MAP2: variants seen among roughly 807,000 people sequenced by gnomAD.
The protein encoded by MAP2 is microtubule associated protein 2, also known as microtubule-associated protein 2.
A neutral mutation model predicts 137.6 loss-of-function variants in MAP2; 14 were observed. The observed-to-expected ratio is 0.10, with a 90% CI of 0.07 to 0.16. The LOEUF (loss-of-function observed/expected upper bound fraction) is 0.16. Among genes scored for constraint, MAP2 ranks in the 10% least tolerant of loss-of-function variants. The probability of loss-of-function intolerance (pLI) is 1.00; values close to 1 mark genes in which losing one functional copy is unlikely to be tolerated. For missense variants in MAP2, 2,088 were observed against 2,191.5 expected (o/e 0.95, Z 0.94); for synonymous variants, 786 against 782.3 (o/e 1.00, Z -0.08).
At chr2:209,713,742 A>G (rs957421056) in intron 13 of MAP2, among the ~76,000 whole-genome samples, 3 of 152,234 alleles carry the variant, frequency 2.0e-5, no homozygotes, top group Admixed American at 1.3e-4. Flanking sequence ...GTAGCATAAA[A>G]AAATTTAGGT....
At chr2:209,621,807 G>GT (rs2091274934) in intron 3 of MAP2, among the ~76,000 whole-genome samples, 2 of 152,174 alleles carry the variant, frequency 1.3e-5, no homozygotes, top group African/African-American at 4.8e-5. Flanking sequence ...CCTCAATGCT[G>GT]TAGGTAGCAA....
At chr2:209,463,179 T>A (rs1421695608) in intron 1 of MAP2, among the ~76,000 whole-genome samples, 1 of 152,204 alleles carries the variant, frequency 6.6e-6, no homozygotes, top group African/African-American at 2.4e-5. Flanking sequence ...AAAAATTGTT[T>A]CTATACTGAG....
At chr2:209,634,036 C>T (rs1181450849) in intron 4 of MAP2, among the ~76,000 whole-genome samples, 2 of 152,084 alleles carry the variant, frequency 1.3e-5, no homozygotes, top group Non-Finnish European at 2.9e-5. Context: ...AAGGACCAAC[C>T]CAGAAGCTGG....
intron 4 of MAP2, among the ~76,000 whole-genome samples, chr2:209,650,877 G>C (rs553931600): frequency 1.2e-3 from 176 of 152,190 alleles, no homozygotes; most frequent in Admixed American, 2.9e-3. Context: ...AACTTTTTCT[G>C]TTTACAATGT....
intron 4 of MAP2, among the ~76,000 whole-genome samples, chr2:209,636,343 A>T (rs2093560350): frequency 6.6e-6 from 1 of 152,098 alleles, no homozygotes; most frequent in African/African-American, 2.4e-5. Flanking sequence ...CCTTTCTCTA[A>T]CACAGACAGA....
In MAP2 at chr2:209,653,388, A is replaced by G. The variant is rs1559489365; in HGVS notation, c.218A>G (p.Asn73Ser). 1 of 1,613,416 alleles carries G rather than the reference A, an allele frequency of 6.2e-7. No individual in the cohort carries two copies. Among genetic ancestry groups the G allele is most frequent in the Non-Finnish European group, 8.5e-7 (1 of 1,179,598 alleles). ...GGCACCTATTCAAATACCAAAGAGA[A>G]TGGGATCAACGGAGAGCTGACCTCA... Reference protein sequence around the residue: ...SQGTYSNTKENGINGELTSAD... With the variant: ...SQGTYSNTKESGINGELTSAD... Residue 73 changes from asparagine (N) to serine (S), a missense_variant, in exon 5 of 16, where the codon AAT becomes AGT. Asn to Ser is a conservative substitution (Grantham distance 46, BLOSUM62 1). Coordinates refer to ENST00000682079, the MANE Select transcript of MAP2 (RefSeq NM_001375505.1).
intron 2 of MAP2, among the ~76,000 whole-genome samples, chr2:209,544,216 G>A (rs911087604): frequency 1.3e-5 from 2 of 151,662 alleles, no homozygotes; most frequent in African/African-American, 4.8e-5. Flanking sequence ...CTGGGTGACA[G>A]AGTGAGACTC....
intron 4 of MAP2, among the ~76,000 whole-genome samples, chr2:209,644,653 G>A (rs1276422807): frequency 7.4e-6 from 1 of 135,662 alleles, no homozygotes; most frequent in Non-Finnish European, 1.5e-5. Context: ...CCTGGGCAAC[G>A]ACGTGGGACC....
rs544821309 is a variant in MAP2 at position 209,428,284 on chromosome 2, C to T, written c.-222+4008C>T. ...TTAGACAAAATAAAGAGCTCAGGAT[C>T]CTCTTTCAGTCTACTGTTAAGTTTA... On this transcript the variant is annotated intron_variant, in intron 1 of 15. Transcript: ENST00000682079. 1.2e-4 allele frequency among the ~76,000 whole-genome samples: 19 copies of T among 152,126 alleles called. 1 individual carries two copies. The South Asian group carries it at 3.5e-3, about 28-fold the overall frequency.
At chr2:209,591,452 A>T (rs940743518) in intron 3 of MAP2, among the ~76,000 whole-genome samples, 29 of 152,236 alleles carry the variant, frequency 1.9e-4, no homozygotes, top group African/African-American at 7.0e-4. Flanking sequence ...TAAAAAAAAT[A>T]AAAATGAGGA....
chr2:209,513,014 A>G (rs2061955180), intron 2 of MAP2, among the ~76,000 whole-genome samples: 1 of 152,104 alleles, frequency 6.6e-6, no homozygotes, highest in Non-Finnish European at 1.5e-5. Flanking sequence ...TCTGTTGAGT[A>G]GTATTATATG....
intron 13 of MAP2, among the ~76,000 whole-genome samples, chr2:209,723,024 C>A (rs1172666905): frequency 2.6e-5 from 4 of 152,190 alleles, no homozygotes; most frequent in African/African-American, 9.7e-5. Flanking sequence ...AAAGTTTCTT[C>A]GTTGACCCTC....
At chr2:209,577,403 A>G (rs1296050359) in intron 2 of MAP2, among the ~76,000 whole-genome samples, 2 of 152,196 alleles carry the variant, frequency 1.3e-5, no homozygotes, top group Non-Finnish European at 2.9e-5. Flanking sequence ...CAAAAAAAGC[A>G]GTATGACCCT....
intron 2 of MAP2, among the ~76,000 whole-genome samples, chr2:209,514,762 T>C (rs1014072602): frequency 5.3e-5 from 8 of 152,228 alleles, no homozygotes; most frequent in African/African-American, 1.7e-4. Context: ...CCTCTATAAA[T>C]CAACGTGAGA....
intron 5 of MAP2, among the ~76,000 whole-genome samples, chr2:209,660,837 C>G (rs912141375): frequency 6.7e-6 from 1 of 149,770 alleles, no homozygotes; most frequent in Admixed American, 6.7e-5. Flanking sequence ...GGATTCACAC[C>G]CATTCTCCTG....
intron 2 of MAP2, among the ~76,000 whole-genome samples, chr2:209,518,597 T>A (rs1289402454): frequency 6.6e-6 from 1 of 152,004 alleles, no homozygotes; most frequent in Non-Finnish European, 1.5e-5. Context: ...GTCTTCCACT[T>A]TTTTTCCCTA....
intron 4 of MAP2, among the ~76,000 whole-genome samples, chr2:209,629,804 C>G (rs2092787254): frequency 1.3e-5 from 2 of 152,098 alleles, no homozygotes; most frequent in Non-Finnish European, 2.9e-5. Flanking sequence ...GGCAGAATTG[C>G]CCACATACTC....
chr2:209,452,160 G>C (rs1700464663), intron 1 of MAP2, among the ~76,000 whole-genome samples: 2 of 152,204 alleles, frequency 1.3e-5, no homozygotes, highest in South Asian at 4.1e-4. Flanking sequence ...GAGGTTAGGA[G>C]TGTGAAAGGG....
chr2:209,712,625 A>G (rs1477905095), intron 13 of MAP2, among the ~76,000 whole-genome samples: 1 of 152,160 alleles, frequency 6.6e-6, no homozygotes, highest in Admixed American at 6.5e-5. Flanking sequence ...TTGGGAAATA[A>G]TAGCGCATTG....
Sources: gnomAD v4.1 joint callset for allele counts (sites outside exome capture counted in the v4.1 genomes callset) on GRCh38, gnomAD v4.1.1 for gene constraint, MANE v1.5 for transcripts, NCBI Gene and HGNC (gene_info 2026-07-23, HGNC 2026-07-21) for gene names.